Variants in GLIS3 observed in about 807,000 individuals in gnomAD.
GLIS3 encodes GLIS family zinc finger 3.
Under a neutral mutation model 78.6 loss-of-function variants are expected in GLIS3, and 53 were observed. That is an observed-to-expected ratio of 0.67 (90% confidence interval 0.54 to 0.85). The LOEUF (loss-of-function observed/expected upper bound fraction) is 0.85, where lower values mean the gene tolerates loss of function less well. GLIS3 is among the 40% of genes least tolerant of loss of function. GLIS3 has a pLI of 0.00. For missense variants in GLIS3, 1,703 were observed against 1,231.1 expected, an observed-to-expected ratio of 1.38 and a Z score of -5.74; for synonymous variants, 684 against 509.9, an observed-to-expected ratio of 1.34 and a Z score of -4.60.
chr9:4,409,486 T>C, the GLIS3 span, among the ~76,000 whole-genome samples: 1 of 152,204 alleles, frequency 6.6e-6, no homozygotes, highest in Non-Finnish European at 1.5e-5. Context: ...CAATTTGCCC[T>C]TGTCATAATT....
At chr9:4,188,309 T>C (rs4335172) in intron 2 of GLIS3, among the ~76,000 whole-genome samples, 102,218 of 145,578 alleles carry the variant, frequency 0.7, 36,512 homozygotes, top group South Asian at 0.8. Context: ...TATTGATTTG[T>C]GTATATTGAA....
chr9:4,197,804 G>A (rs1005971764), intron 2 of GLIS3, among the ~76,000 whole-genome samples: 1 of 152,144 alleles, frequency 6.6e-6, no homozygotes, highest in Non-Finnish European at 1.5e-5. Flanking sequence ...CTACTGGCTT[G>A]TAGGTCAAAC....
intron 2 of GLIS3, among the ~76,000 whole-genome samples, chr9:4,193,958 G>A (rs1212344132): frequency 6.6e-6 from 1 of 152,182 alleles, no homozygotes; most frequent in Non-Finnish European, 1.5e-5. Context: ...TGTGGTTCTG[G>A]CAGTAACGGC....
At chr9:3,893,034 C>T (rs1822566126) in intron 7 of GLIS3, among the ~76,000 whole-genome samples, 1 of 152,092 alleles carries the variant, frequency 6.6e-6, no homozygotes, top group Admixed American at 6.6e-5. Flanking sequence ...GTTTGTTGTA[C>T]ACATTGTTTC....
the GLIS3 span, among the ~76,000 whole-genome samples, chr9:4,450,145 G>C: frequency 6.6e-5 from 10 of 152,258 alleles, no homozygotes; most frequent in African/African-American, 2.4e-4. Flanking sequence ...GTGTAGAGAA[G>C]ACCTTAAGTG....
At chr9:4,084,036 T>A (rs1224530160) in intron 4 of GLIS3, among the ~76,000 whole-genome samples, 1 of 152,182 alleles carries the variant, frequency 6.6e-6, no homozygotes, top group African/African-American at 2.4e-5. Context: ...AAGGCTCTGT[T>A]ACCATTCAGA....
In GLIS3 at chr9:4,322,082, A is replaced by G. The variant is rs375677105; in HGVS notation, n.265-11554T>C. ...TGTGATGTTCCCCGCCCTGTGTCCA[A>G]GTGTTCTCATTGTTCAGTTCCCACC... On this transcript the variant is annotated intron_variant and non_coding_transcript_variant, in intron 2 of 4. Coordinates refer to the GLIS3 transcript ENST00000471664. 6.8e-4 allele frequency among the ~76,000 whole-genome samples: 103 copies of G among 152,046 alleles called. 1 individual carries two copies. The South Asian group carries it at 0.019, about 29-fold the overall frequency.
At chr9:4,478,018 G>GTAA in the GLIS3 span, among the ~76,000 whole-genome samples, 58 of 152,302 alleles carry the variant, frequency 3.8e-4, no homozygotes, top group African/African-American at 1.3e-3. Flanking sequence ...TACCAAGACT[G>GTAA]TAGCTCCTGA....
At chr9:4,477,467 T>C in the GLIS3 span, among the ~76,000 whole-genome samples, 1 of 152,012 alleles carries the variant, frequency 6.6e-6, no homozygotes, top group South Asian at 2.1e-4. Context: ...CAGGTTGTAA[T>C]GCAATGGCGT....
At chr9:3,886,155 G>A (rs968110498) in intron 7 of GLIS3, among the ~76,000 whole-genome samples, 12 of 152,112 alleles carry the variant, frequency 7.9e-5, no homozygotes, top group East Asian at 5.8e-4. Flanking sequence ...GGTAAATCTC[G>A]AATAAAGTAT....
chr9:4,206,617 T>C (rs769066847), intron 2 of GLIS3, among the ~76,000 whole-genome samples: 1 of 152,230 alleles, frequency 6.6e-6, no homozygotes. Context: ...CCAAAGCATG[T>C]TGCTGAACTG....
At chr9:4,035,905 T>A (rs1824260063) in intron 4 of GLIS3, 1 of 152,324 alleles carries the variant, frequency 6.6e-6, no homozygotes, top group African/African-American at 2.4e-5. Flanking sequence ...ATCTATCCAT[T>A]TACTCAAGGC....
chr9:4,269,097 T>C (rs1041112751), intron 2 of GLIS3, among the ~76,000 whole-genome samples: 2 of 152,204 alleles, frequency 1.3e-5, no homozygotes, highest in African/African-American at 4.8e-5. Context: ...CGACACAGAA[T>C]AACTCCTTAT....
chr9:4,164,745 T>A (rs1170086204), intron 2 of GLIS3, among the ~76,000 whole-genome samples: 1 of 152,148 alleles, frequency 6.6e-6, no homozygotes, highest in Non-Finnish European at 1.5e-5. Flanking sequence ...AGATATTGTA[T>A]AAAGTGAGAG....
At chr9:3,897,826 C>G (rs1998508) in intron 7 of GLIS3, among the ~76,000 whole-genome samples, 1 of 152,006 alleles carries the variant, frequency 6.6e-6, no homozygotes, top group African/African-American at 2.4e-5. Context: ...TCATACTTTT[C>G]GAAAGAAAAA....
chr9:3,850,736 C>T (rs537199762), intron 9 of GLIS3, among the ~76,000 whole-genome samples: 30 of 152,058 alleles, frequency 2.0e-4, no homozygotes, highest in Non-Finnish European at 4.3e-4. Context: ...CATTCTCTTC[C>T]TCCTCTACTC....
At position 3,916,036 on chromosome 9, in the gene GLIS3, T is replaced by C. The variant is rs548311944; in HGVS notation, c.1983+16324A>G. ...TTAACAAGTAGAACAAGTCTTCTAG[T>C]CCATGTAGAAGAAAATCTTAGAAAC... On this transcript the variant is annotated intron_variant, in intron 6 of 10. Coordinates refer to ENST00000381971, the MANE Select transcript of GLIS3 (RefSeq NM_001042413.2). 1.4e-4 allele frequency among the ~76,000 whole-genome samples: 21 copies of C among 152,254 alleles called. 1 individual carries two copies. The South Asian group carries it at 4.4e-3, about 32-fold the overall frequency.
chr9:4,140,353 A>G (rs1248674642), intron 2 of GLIS3, among the ~76,000 whole-genome samples: 1 of 152,036 alleles, frequency 6.6e-6, no homozygotes, highest in African/African-American at 2.4e-5. Context: ...AGAACAAAAA[A>G]AGCCACCAGA....
chr9:4,048,529 C>A (rs1825442880), intron 4 of GLIS3, among the ~76,000 whole-genome samples: 2 of 152,134 alleles, frequency 1.3e-5, no homozygotes, highest in African/African-American at 2.4e-5. Context: ...CTGGCTTAAC[C>A]ACATTATGGT....
Sources: gnomAD v4.1 joint callset for allele counts (sites outside exome capture counted in the v4.1 genomes callset) on GRCh38, gnomAD v4.1.1 for gene constraint, MANE v1.5 for transcripts, NCBI Gene and HGNC (gene_info 2026-07-23, HGNC 2026-07-21) for gene names.